Variants in CIT observed in about 807,000 individuals in gnomAD.
CIT encodes the protein citron Rho-interacting kinase.
In CIT, 79 loss-of-function variants were observed where a neutral mutation model predicts 272.7. The ratio of observed to expected loss-of-function variants is 0.29; its 90% CI spans 0.24 to 0.35. The LOEUF is 0.35. Among genes scored for constraint, CIT ranks in the 10% least tolerant of loss-of-function variants. The pLI is 1.00. For missense variants in CIT, 1,909 were observed against 2,618.3 expected (o/e 0.73, Z 5.91); for synonymous variants, 948 against 995.6 (o/e 0.95, Z 0.90).
chr12:119,866,061 C>G (rs1041478783), intron 3 of CIT, among the ~76,000 whole-genome samples: 2 of 152,022 alleles, frequency 1.3e-5, no homozygotes, highest in African/African-American at 4.8e-5. Flanking sequence ...TGCCCTGACC[C>G]CTTTGGGCAT....
intron 10 of CIT, among the ~76,000 whole-genome samples, chr12:119,791,494 A>C (rs544506401): frequency 1.4e-4 from 21 of 152,186 alleles, no homozygotes; most frequent in Non-Finnish European, 2.9e-4. Flanking sequence ...AGATATTAGA[A>C]ACCCAGGCCA....
chr12:119,760,626 C>CAAA (rs55758251), intron 20 of CIT, among the ~76,000 whole-genome samples: 1 of 119,262 alleles, frequency 8.4e-6, no homozygotes, highest in Non-Finnish European at 1.8e-5. Context: ...AACCCCACCT[C>CAAA]AAAAAAAAAA....
At chr12:119,698,834 ATGAG>A (rs1235727513) in intron 44 of CIT, among the ~76,000 whole-genome samples, 1 of 152,188 alleles carries the variant, frequency 6.6e-6, no homozygotes, top group Non-Finnish European at 1.5e-5. Context: ...AGAAACTCAT[ATGAG>A]CTTTTTTTTC....
intron 3 of CIT, among the ~76,000 whole-genome samples, chr12:119,866,727 G>C (rs1397682567): frequency 6.6e-6 from 1 of 152,194 alleles, no homozygotes; most frequent in East Asian, 1.9e-4. Flanking sequence ...GCTGAGACAG[G>C]AGGATTGCTT....
intron 9 of CIT, 53 bp downstream of exon 9, chr12:119,822,767 T>C: frequency 1.3e-6 from 2 of 1,586,222 alleles, no homozygotes; most frequent in Non-Finnish European, 1.7e-6. Context: ...CAGATCTCTC[T>C]TGAGTGTTTC....
At chr12:119,849,790 A>G (rs1255059534) in intron 5 of CIT, among the ~76,000 whole-genome samples, 1 of 151,328 alleles carries the variant, frequency 6.6e-6, no homozygotes, top group Non-Finnish European at 1.5e-5. Flanking sequence ...GGTTCAAGCG[A>G]TTGTCCTGCC....
chr12:119,850,035 A>T (rs1195002397), intron 5 of CIT, 139 bp downstream of exon 5: 5 of 715,854 alleles, frequency 7.0e-6, no homozygotes, highest in African/African-American at 1.8e-5. Context: ...ATAACGAGGA[A>T]ACCAGGGAGA....
At chr12:119,801,377 C>T (rs1022851473) in intron 10 of CIT, among the ~76,000 whole-genome samples, 3 of 152,172 alleles carry the variant, frequency 2.0e-5, no homozygotes, top group South Asian at 2.1e-4. Context: ...CTGTGAGAAA[C>T]AGAAAGATGT....
At chr12:119,812,606 G>C (rs1449131606) in intron 9 of CIT, among the ~76,000 whole-genome samples, 1 of 151,708 alleles carries the variant, frequency 6.6e-6, no homozygotes, top group African/African-American at 2.4e-5. Flanking sequence ...TACCCAGCTA[G>C]CTTTTTTTAT....
At chr12:119,732,217 GA>G (rs1007432204) in intron 26 of CIT, among the ~76,000 whole-genome samples, 2 of 151,012 alleles carry the variant, frequency 1.3e-5, no homozygotes, top group Non-Finnish European at 3.0e-5. Context: ...ACAGAAAAAA[GA>G]AAAAAAAGGA....
intron 20 of CIT, among the ~76,000 whole-genome samples, chr12:119,760,708 C>T (rs994966712): frequency 6.6e-6 from 1 of 152,006 alleles, no homozygotes; most frequent in Middle Eastern, 3.4e-3. Context: ...TTTTAGCAGA[C>T]AGCAGAACAG....
chr12:119,777,154 C>T (rs972316813), intron 13 of CIT, among the ~76,000 whole-genome samples: 22 of 152,020 alleles, frequency 1.4e-4, no homozygotes, highest in African/African-American at 5.3e-4. Flanking sequence ...ACTTGGGAGG[C>T]TGAGGCAGGA....
At chr12:119,793,013 T>C (rs1029182071) in intron 10 of CIT, among the ~76,000 whole-genome samples, 38 of 152,126 alleles carry the variant, frequency 2.5e-4, no homozygotes, top group African/African-American at 8.2e-4. Flanking sequence ...CAGGAACACC[T>C]GGAAATATCA....
intron 9 of CIT, among the ~76,000 whole-genome samples, chr12:119,815,700 C>G (rs1426192970): frequency 1.3e-5 from 2 of 151,200 alleles, no homozygotes; most frequent in East Asian, 3.9e-4. Context: ...GAGCAAAACT[C>G]CATCTCAAAA....
At chr12:119,819,488 T>C (rs1967502603) in intron 9 of CIT, among the ~76,000 whole-genome samples, 1 of 152,218 alleles carries the variant, frequency 6.6e-6, no homozygotes, top group African/African-American at 2.4e-5. Context: ...TTATATATCC[T>C]GCCAGGACCA....
At chr12:119,826,377 C>T (rs908708790) in intron 7 of CIT, among the ~76,000 whole-genome samples, 24 of 152,134 alleles carry the variant, frequency 1.6e-4, no homozygotes, top group African/African-American at 5.6e-4. Flanking sequence ...TTTTATAAAG[C>T]TAAATGTAAC....
intron 10 of CIT, among the ~76,000 whole-genome samples, chr12:119,796,441 G>A (rs772383343): frequency 4.5e-4 from 69 of 152,188 alleles, no homozygotes; most frequent in Non-Finnish European, 1.0e-4. Flanking sequence ...CTGATGGGAT[G>A]GCGGGGGAGG....
chr12:119,724,801 T>C (rs963195048), intron 28 of CIT, among the ~76,000 whole-genome samples: 1 of 151,540 alleles, frequency 6.6e-6, no homozygotes, highest in African/African-American at 2.4e-5. Flanking sequence ...TAGCCGGGCG[T>C]GATAGCAGGC....
At chr12:119,767,059 G>A (rs1231818690) in intron 19 of CIT, 28 bp downstream of exon 19, 3 of 1,570,776 alleles carry the variant, frequency 1.9e-6, no homozygotes, top group Non-Finnish European at 2.6e-6. Flanking sequence ...TAGGAGCAAG[G>A]CCAGGGAAGA....
Sources: gnomAD v4.1 joint callset for allele counts (sites outside exome capture counted in the v4.1 genomes callset) on GRCh38, gnomAD v4.1.1 for gene constraint, MANE v1.5 for transcripts, NCBI Gene and HGNC (gene_info 2026-07-23, HGNC 2026-07-21) for gene names.